Variants in MACROD2 observed in about 807,000 individuals in gnomAD.
The protein encoded by MACROD2 is ADP-ribose glycohydrolase MACROD2.
In MACROD2, 36 loss-of-function variants were observed where a neutral mutation model predicts 70.4. The ratio of observed to expected loss-of-function variants is 0.51; its 90% CI spans 0.39 to 0.68. The LOEUF (loss-of-function observed/expected upper bound fraction) is 0.68, where lower values mean the gene tolerates loss of function less well. MACROD2 is among the 30% of genes least tolerant of loss of function. MACROD2 has a pLI of 0.00. For missense variants in MACROD2, 496 were observed against 538.4 expected (o/e 0.92, Z 0.78); for synonymous variants, 172 against 178.8 (o/e 0.96, Z 0.30).
At chr20:14,428,625 C>T (rs4814304) in intron 3 of MACROD2, among the ~76,000 whole-genome samples, 146,722 of 152,208 alleles carry the variant, frequency 0.96, 70,962 homozygotes, top group East Asian at 1. Flanking sequence ...CAATCAATGT[C>T]GGCAATAGAG....
At chr20:15,034,823 T>G (rs1370059713) in intron 5 of MACROD2, among the ~76,000 whole-genome samples, 1 of 152,202 alleles carries the variant, frequency 6.6e-6, no homozygotes, top group African/African-American at 2.4e-5. Flanking sequence ...ATTTAGTAGT[T>G]GAAAACAATG....
At chr20:14,974,332 GA>G (rs1379124460) in intron 5 of MACROD2, among the ~76,000 whole-genome samples, 1 of 152,190 alleles carries the variant, frequency 6.6e-6, no homozygotes, top group East Asian at 1.9e-4. Flanking sequence ...GAAAAAGTTT[GA>G]ATATGGGTCA....
At chr20:14,024,591 A>G (rs1228927333) in intron 2 of MACROD2, among the ~76,000 whole-genome samples, 3 of 152,148 alleles carry the variant, frequency 2.0e-5, no homozygotes, top group African/African-American at 4.8e-5. Context: ...AGTTTTTAGC[A>G]TGAAGTGGTG....
At chr20:15,709,875 A>G (rs996075396) in intron 8 of MACROD2, among the ~76,000 whole-genome samples, 3 of 152,100 alleles carry the variant, frequency 2.0e-5, no homozygotes, top group Non-Finnish European at 4.4e-5. Flanking sequence ...GAACACTAGA[A>G]CTTATTTGTC....
chr20:14,443,070 C>T (rs1462662488), intron 3 of MACROD2, among the ~76,000 whole-genome samples: 1 of 150,398 alleles, frequency 6.6e-6, no homozygotes, highest in Non-Finnish European at 1.5e-5. Context: ...CAGAGCGAGA[C>T]TCTGTCTCAA....
intron 4 of MACROD2, among the ~76,000 whole-genome samples, chr20:14,529,466 G>C (rs1259533187): frequency 6.6e-6 from 1 of 152,110 alleles, no homozygotes; most frequent in Non-Finnish European, 1.5e-5. Context: ...GGCCAGGATA[G>C]GCTCCTCTTC....
At chr20:14,774,452 C>T (rs1282362713) in intron 5 of MACROD2, among the ~76,000 whole-genome samples, 1 of 152,030 alleles carries the variant, frequency 6.6e-6, no homozygotes, top group Non-Finnish European at 1.5e-5. Flanking sequence ...AATCATTAAA[C>T]ACCAGTGAGT....
At chr20:14,070,926 A>G (rs1402872072) in intron 2 of MACROD2, among the ~76,000 whole-genome samples, 1 of 152,154 alleles carries the variant, frequency 6.6e-6, no homozygotes, top group African/African-American at 2.4e-5. Context: ...AGAGATCATC[A>G]AATCTGGCTA....
intron 4 of MACROD2, among the ~76,000 whole-genome samples, chr20:14,654,545 CA>C (rs202212319): frequency 0.13 from 11,078 of 83,568 alleles, 397 homozygotes; most frequent in Middle Eastern, 0.3. Flanking sequence ...GACTCCATCT[CA>C]AAAAAAAAAA....
chr20:14,934,423 C>G (rs900884740), intron 5 of MACROD2, among the ~76,000 whole-genome samples: 4 of 152,246 alleles, frequency 2.6e-5, no homozygotes, highest in African/African-American at 9.6e-5. Flanking sequence ...CAACCCGTCT[C>G]CCCATGAGAT....
chr20:15,081,676 G>A (rs1005320798), intron 5 of MACROD2, among the ~76,000 whole-genome samples: 1 of 152,054 alleles, frequency 6.6e-6, no homozygotes, highest in South Asian at 2.1e-4. Context: ...TAACCAAGAG[G>A]GGTGAGTAGA....
intron 3 of MACROD2, 93 bp from the exon 4 acceptor site, chr20:14,493,386 T>C: frequency 2.9e-6 from 3 of 1,039,948 alleles, no homozygotes; most frequent in East Asian, 5.2e-5. Context: ...ATGAGACATA[T>C]GATCATTATT....
At chr20:14,015,137 A>G (rs1024693515) in intron 2 of MACROD2, among the ~76,000 whole-genome samples, 5 of 152,054 alleles carry the variant, frequency 3.3e-5, no homozygotes, top group African/African-American at 1.2e-4. Flanking sequence ...ACTCTTGTAA[A>G]TTTAAGCTTT....
intron 4 of MACROD2, among the ~76,000 whole-genome samples, chr20:14,519,358 G>C (rs990803300): frequency 2.6e-5 from 4 of 152,088 alleles, no homozygotes; most frequent in Non-Finnish European, 5.9e-5. Context: ...AGAATGTGTA[G>C]GGTTTTTAGA....
chr20:15,131,075 G>A (rs952883176), intron 5 of MACROD2, among the ~76,000 whole-genome samples: 15 of 151,988 alleles, frequency 9.9e-5, no homozygotes, highest in South Asian at 2.1e-4. Flanking sequence ...TAGTTTATAC[G>A]GGAAGCTAAA....
At chr20:14,130,008 CGTATCT>C (rs2054697754) in intron 3 of MACROD2, among the ~76,000 whole-genome samples, 1 of 152,040 alleles carries the variant, frequency 6.6e-6, no homozygotes, top group African/African-American at 2.4e-5. Flanking sequence ...CTGAACCTGC[CGTATCT>C]TTGAGGTATG....
At chr20:14,007,747 AC>A (rs1378626022) in intron 2 of MACROD2, among the ~76,000 whole-genome samples, 2 of 152,146 alleles carry the variant, frequency 1.3e-5, no homozygotes, top group Non-Finnish European at 2.9e-5. Context: ...TGTTATTGTT[AC>A]ACTTTTTGGA....
chr20:15,354,842 AT>A (rs1210959444), intron 6 of MACROD2, among the ~76,000 whole-genome samples: 2 of 152,224 alleles, frequency 1.3e-5, no homozygotes, highest in Non-Finnish European at 2.9e-5. Flanking sequence ...AAAATGAAAA[AT>A]AATGGAGAAT....
intron 8 of MACROD2, among the ~76,000 whole-genome samples, chr20:15,599,752 C>G (rs146377142): frequency 6.6e-6 from 1 of 152,092 alleles, no homozygotes; most frequent in Non-Finnish European, 1.5e-5. Flanking sequence ...CACAGAAACA[C>G]GCAAATGCAT....
Sources: gnomAD v4.1 joint callset for allele counts (sites outside exome capture counted in the v4.1 genomes callset) on GRCh38, gnomAD v4.1.1 for gene constraint, MANE v1.5 for transcripts, NCBI Gene and HGNC (gene_info 2026-07-23, HGNC 2026-07-21) for gene names.